Variants in TTC31 observed in about 807,000 individuals in gnomAD.
TTC31 encodes tetratricopeptide repeat protein 31.
A neutral mutation model predicts 60.4 loss-of-function variants in TTC31; 59 were observed. That is an observed-to-expected ratio of 0.98 (90% CI 0.79 to 1.21). The LOEUF (loss-of-function observed/expected upper bound fraction) is 1.21, where lower values mean the gene tolerates loss of function less well. TTC31 is among the 50% of genes most tolerant of loss of function. TTC31 has a pLI of 0.00. For missense variants in TTC31, 672 were observed against 646.9 expected (o/e 1.04, Z -0.42); for synonymous variants, 225 against 249.6 (o/e 0.90, Z 0.93).
In TTC31 at chr2:74,493,330, TA is replaced by T; in HGVS notation, c.*114del. The T allele has an allele frequency of 8.9e-7, 1 of 1,124,800 alleles. No individual in the cohort carries two copies. The allele number at this position is 1,124,800 out of a possible 1,614,324, so 69.7% of individuals were successfully genotyped here. A position where few individuals can be genotyped will look rare whatever the true frequency, so the allele number is the denominator to read the frequency against. On this transcript the variant is annotated 3_prime_UTR_variant, in exon 13 of 13. Transcript: ENST00000233623. ...AGACCTTATTCTCTAGATCCATAGT[TA>T]ATGATGCCCTGGCAGTCATTCCTCT... is the stretch of plus-strand genomic sequence containing the variant.
intron 2 of TTC31, among the ~76,000 whole-genome samples, chr2:74,487,042 A>G (rs1169688730): frequency 6.6e-6 from 1 of 152,236 alleles, no homozygotes; most frequent in Non-Finnish European, 1.5e-5. Flanking sequence ...ATGGGAGCAC[A>G]GTTGGTATGT....
chr2:74,492,098 G>T (rs781540872), intron 9 of TTC31, 41 bp from the exon 10 acceptor site: 1 of 1,614,100 alleles, frequency 6.2e-7, no homozygotes, highest in African/African-American at 1.3e-5. Context: ...CCCTCCCTGG[G>T]GTAGCCCCAT....
intron 11 of TTC31, 27 bp from the exon 12 acceptor site, chr2:74,492,619 T>G: frequency 1.9e-6 from 3 of 1,613,002 alleles, no homozygotes; most frequent in Non-Finnish European, 2.5e-6. Flanking sequence ...ACCTAATCTT[T>G]TCTTTCTGAT....
rs543696583 is a variant in TTC31 at position 74,490,707 on chromosome 2, C to T, written c.514C>T (p.Gln172Ter). 3 of 1,610,594 alleles carry T rather than the reference C, an allele frequency of 1.9e-6. No individual in the cohort carries two copies. The highest frequency in any genetic ancestry group is 1.3e-5 in the African/African-American group (1 of 74,874). The change falls in exon 5 of 13, where the codon CAG becomes TAG. Residue 172 changes from glutamine to a stop codon, truncating the protein, a stop_gained. Transcript: ENST00000233623. LOFTEE classifies it high-confidence loss of function. ...ELVAEEERMK[Q>*]KAEKKRLKKK... ...GGTGGCTGAGGAGGAGCGCATGAAA[C>T]AGAAAGCAGAGAAAAAGCGACTCAA...
chr2:74,493,482 T>C lies in TTC31; in HGVS notation c.*264T>C, dbSNP rs1674174599. ...CCACCAAGGCTCAAGAAGGGAACTA[T>C]AGAAAAGTTCAGGTTTTTAGGCTAT... On this transcript the variant is annotated 3_prime_UTR_variant, in exon 13 of 13. Transcript: ENST00000233623. The C allele has an allele frequency of 6.5e-6, 3 of 458,864 alleles. No homozygotes were observed. The highest frequency in any genetic ancestry group is 1.2e-5 in the Non-Finnish European group (3 of 257,790). 28.4% of individuals were successfully genotyped at this position (458,864 alleles called of 1,614,324 possible).
chr2:74,485,231 G>T (rs1672958882), intron 2 of TTC31, among the ~76,000 whole-genome samples: 1 of 151,438 alleles, frequency 6.6e-6, no homozygotes, highest in African/African-American at 2.4e-5. Flanking sequence ...TCACCATATT[G>T]GCCAGGCTGG....
rs762525530 is a variant in TTC31 at position 74,492,182 on chromosome 2, C to T, written c.972C>T (p.Ala324=). 94 of 1,614,114 alleles carry T rather than the reference C, an allele frequency of 5.8e-5. No homozygotes were observed. In the South Asian group the frequency reaches 8.7e-4, roughly 15 times the overall value. Residue 324 remains alanine, a synonymous_variant, in exon 10 of 13, where the codon GCC becomes GCT. Coordinates refer to ENST00000233623, the MANE Select transcript of TTC31 (RefSeq NM_022492.6). ...SFAQNGFYHE[A]VVLFTQALKL... Reference sequence around the variant, plus strand: ...CTCAAAATGGTTTCTACCATGAGGCCGTGGTCCTCTTCACCCAGGCCTTGA... The same window carrying T: ...CTCAAAATGGTTTCTACCATGAGGCTGTGGTCCTCTTCACCCAGGCCTTGA...
chr2:74,484,468 T>G (rs1186453718), intron 2 of TTC31, among the ~76,000 whole-genome samples: 3 of 150,416 alleles, frequency 2.0e-5, no homozygotes, highest in Non-Finnish European at 4.4e-5. Context: ...TTGTTTTTTG[T>G]TTTTTTTTAA....
chr2:74,492,545 C>T (rs1674045077), intron 11 of TTC31, 100 bp downstream of exon 11: 1 of 1,543,546 alleles, frequency 6.5e-7, no homozygotes, highest in African/African-American at 1.4e-5. Context: ...ACCAAAGTGT[C>T]ACAATGGTTG....
intron 3 of TTC31, 28 bp downstream of exon 3, chr2:74,490,155 G>T (rs1160575500): frequency 1.2e-6 from 2 of 1,609,736 alleles, no homozygotes; most frequent in South Asian, 2.2e-5. Flanking sequence ...CGGGCCCAGG[G>T]ATCGAGGCTG....
rs902357669 is a variant in TTC31, at chr2:74,483,267, C to T, written c.41-55C>T. ...AGAGTCGAGGGTAGAGTGGGGAGGACTCTAGCCCATCTGTCCCGAGCCCGC... is the reference window on the plus strand; with the variant it reads ...AGAGTCGAGGGTAGAGTGGGGAGGATTCTAGCCCATCTGTCCCGAGCCCGC... On this transcript the variant is annotated intron_variant, in intron 1 of 12. Transcript: ENST00000233623. 117 of 1,613,170 alleles carry T rather than the reference C, an allele frequency of 7.3e-5. No homozygotes were observed. The South Asian group carries it at 1.1e-3, about 15-fold the overall frequency.
intron 1 of TTC31, 23 bp downstream of exon 1, chr2:74,483,158 T>A: frequency 1.2e-6 from 2 of 1,614,048 alleles, no homozygotes; most frequent in Non-Finnish European, 1.7e-6. Flanking sequence ...ACAAGACCAG[T>A]GGGGGTCTAG....
intron 2 of TTC31, among the ~76,000 whole-genome samples, chr2:74,488,334 A>G (rs1453167267): frequency 1.3e-5 from 2 of 152,198 alleles, no homozygotes; most frequent in Non-Finnish European, 2.9e-5. Context: ...TCCTGCCTAC[A>G]GATTTTTTTT....
At chr2:74,492,779 G>A in intron 12 of TTC31, 32 bp downstream of exon 12, 1 of 1,609,080 alleles carries the variant, frequency 6.2e-7, no homozygotes, top group Non-Finnish European at 8.5e-7. Context: ...TCATGCTGAG[G>A]CGGGTATCAG....
intron 7 of TTC31, 27 bp downstream of exon 7, chr2:74,491,402 G>A (rs770322639): frequency 1.2e-5 from 20 of 1,613,932 alleles, no homozygotes; most frequent in Non-Finnish European, 1.6e-5. Context: ...TCCCTTCTTG[G>A]TCTCTGCTCA....
At chr2:74,485,287 G>C (rs1464514123) in intron 2 of TTC31, among the ~76,000 whole-genome samples, 1 of 150,940 alleles carries the variant, frequency 6.6e-6, no homozygotes. Context: ...GCCTCCCAAA[G>C]TGCTGGGGTT....
chr2:74,491,108 T>C lies in TTC31; in HGVS notation c.547-20T>C. 1 of 1,614,156 alleles carries C rather than the reference T, an allele frequency of 6.2e-7. No individual in the cohort carries two copies. The highest frequency in any genetic ancestry group is 8.5e-7 in the Non-Finnish European group (1 of 1,180,000). On this transcript the variant is annotated intron_variant, in intron 5 of 12. Transcript: ENST00000233623. Reference sequence around the variant, plus strand: ...ACAGTAAGTGTTCAAAATACATCATTGTTACCATTACTATTGCAGCGTCAA... The same window carrying C: ...ACAGTAAGTGTTCAAAATACATCATCGTTACCATTACTATTGCAGCGTCAA...
chr2:74,491,548 G>A lies in TTC31; in HGVS notation c.752G>A (p.Ser251Asn). The change falls in exon 8 of 13, where the codon AGT (serine) becomes AAT (asparagine). Residue 251 changes from serine (S) to asparagine (N), a missense_variant. Coordinates refer to ENST00000233623, the MANE Select transcript of TTC31 (RefSeq NM_022492.6). ...CGCAAGGTTGGGGATTGGCCCCTCA[G>A]TGCCCGCAGAGAGAAGGGACTGAAC... Reference protein sequence around the residue: ...ALRKVGDWPLSARREKGLNQE... With the variant: ...ALRKVGDWPLNARREKGLNQE... The A allele has an allele frequency of 6.2e-7, 1 of 1,614,020 alleles. No individual in the cohort carries two copies. The highest frequency in any genetic ancestry group is 8.5e-7 in the Non-Finnish European group (1 of 1,180,024).
chr2:74,492,573 G>C (rs1674048725), intron 11 of TTC31, 73 bp from the exon 12 acceptor site: 2 of 1,581,546 alleles, frequency 1.3e-6, no homozygotes, highest in Non-Finnish European at 1.7e-6. Context: ...AGGAGCAGGG[G>C]CCAGTTTTAG....
Sources: gnomAD v4.1 joint callset for allele counts (sites outside exome capture counted in the v4.1 genomes callset) on GRCh38, gnomAD v4.1.1 for gene constraint, MANE v1.5 for transcripts, NCBI Gene and HGNC (gene_info 2026-07-23, HGNC 2026-07-21) for gene names.